The following C8orf34 variants were observed in gnomAD, a reference collection of about 807,000 sequenced individuals.
C8orf34 encodes the protein uncharacterized protein C8orf34.
In C8orf34, 65 loss-of-function variants were observed where a neutral mutation model predicts 68.3. That is an observed-to-expected ratio of 0.95 (90% confidence interval 0.78 to 1.17). C8orf34 has a LOEUF of 1.17. C8orf34 is among the 50% of genes most tolerant of loss of function. The pLI is 0.00. For missense variants in C8orf34, 664 were observed against 655.4 expected, an observed-to-expected ratio of 1.01 and a Z score of -0.14; for synonymous variants, 244 against 241.2, an observed-to-expected ratio of 1.01 and a Z score of -0.11.
intron 7 of C8orf34, among the ~76,000 whole-genome samples, chr8:68,616,739 T>G (rs2130604114): frequency 6.6e-6 from 1 of 152,216 alleles, no homozygotes; most frequent in Non-Finnish European, 1.5e-5. Context: ...ATAGGTGTGG[T>G]GTGGTGCTGA....
At chr8:68,403,982 A>G (rs2129621359) in intron 1 of C8orf34, among the ~76,000 whole-genome samples, 1 of 150,768 alleles carries the variant, frequency 6.6e-6, no homozygotes, top group East Asian at 2.0e-4. Flanking sequence ...ATGGTTTAAC[A>G]CTCCCACCAA....
intron 7 of C8orf34, among the ~76,000 whole-genome samples, chr8:68,619,236 G>A (rs1045508536): frequency 6.6e-6 from 1 of 152,184 alleles, no homozygotes; most frequent in African/African-American, 2.4e-5. Context: ...TGAGGTGGGA[G>A]GATCACTTGA....
chr8:68,392,137 T>A (rs1198723324), intron 1 of C8orf34, among the ~76,000 whole-genome samples: 1 of 152,132 alleles, frequency 6.6e-6, no homozygotes, highest in East Asian at 1.9e-4. Context: ...AATATTTTGT[T>A]TCCCTGAGGT....
chr8:68,643,624 G>T (rs1450166036), intron 8 of C8orf34, among the ~76,000 whole-genome samples: 1 of 152,100 alleles, frequency 6.6e-6, no homozygotes, highest in Non-Finnish European at 1.5e-5. Flanking sequence ...TCCCATGGTG[G>T]GAGGGTGAGC....
intron 4 of C8orf34, among the ~76,000 whole-genome samples, chr8:68,478,369 A>G (rs935143814): frequency 3.3e-5 from 5 of 152,226 alleles, no homozygotes; most frequent in Admixed American, 1.3e-4. Context: ...CATTGTCCAT[A>G]TCACTATCAT....
chr8:68,530,575 T>C (rs1317945361), intron 6 of C8orf34: 1 of 1,223,466 alleles, frequency 8.2e-7, no homozygotes, highest in East Asian at 5.7e-5. Context: ...ACTTTAACAT[T>C]GTTACATTGT....
intron 1 of C8orf34, among the ~76,000 whole-genome samples, chr8:68,345,066 G>GC (rs1806224685): frequency 1.3e-5 from 2 of 151,902 alleles, no homozygotes; most frequent in African/African-American, 4.8e-5. Flanking sequence ...GATACCAAAA[G>GC]CAAGTCCAGA....
chr8:68,812,983 G>C (rs1251308544), intron 12 of C8orf34, among the ~76,000 whole-genome samples: 1 of 152,148 alleles, frequency 6.6e-6, no homozygotes, highest in African/African-American at 2.4e-5. Flanking sequence ...CATCAGAGTT[G>C]CAATGAACAT....
At chr8:68,426,126 T>C (rs1810202487) in intron 1 of C8orf34, among the ~76,000 whole-genome samples, 1 of 152,152 alleles carries the variant, frequency 6.6e-6, no homozygotes, top group African/African-American at 2.4e-5. Flanking sequence ...TATCTTCATA[T>C]CTCTTGTATA....
chr8:68,790,967 A>G, intron 12 of C8orf34: 1 of 625,188 alleles, frequency 1.6e-6, no homozygotes, highest in South Asian at 1.9e-5. Context: ...TAGTATTGTT[A>G]AACTTTGGGT....
chr8:68,716,946 C>G (rs1428341266), intron 9 of C8orf34, among the ~76,000 whole-genome samples: 1 of 151,564 alleles, frequency 6.6e-6, no homozygotes, highest in Non-Finnish European at 1.5e-5. Flanking sequence ...ACAAATACAT[C>G]CCCTGTATGT....
chr8:68,476,482 A>G (rs191120735), intron 4 of C8orf34, among the ~76,000 whole-genome samples: 12 of 152,322 alleles, frequency 7.9e-5, no homozygotes, highest in South Asian at 4.1e-4. Flanking sequence ...AAGTTTTATC[A>G]TTGAAAAGGC....
At chr8:68,571,387 GTCT>G (rs1295500318) in intron 7 of C8orf34, among the ~76,000 whole-genome samples, 8 of 152,158 alleles carry the variant, frequency 5.3e-5, no homozygotes, top group Non-Finnish European at 5.9e-5. Flanking sequence ...TTCCATTTCA[GTCT>G]TCTTGCTCCA....
At chr8:68,756,954 A>T (rs189365052) in intron 10 of C8orf34, among the ~76,000 whole-genome samples, 34 of 152,238 alleles carry the variant, frequency 2.2e-4, no homozygotes, top group Non-Finnish European at 4.0e-4. Context: ...TTAATAAATG[A>T]TTTACACATA....
At chr8:68,458,055 C>T (rs1811627314) in intron 3 of C8orf34, among the ~76,000 whole-genome samples, 1 of 151,864 alleles carries the variant, frequency 6.6e-6, no homozygotes, top group South Asian at 2.1e-4. Flanking sequence ...GTGATTAGAT[C>T]CTGATTATAC....
At chr8:68,441,946 A>C (rs1240509675) in intron 2 of C8orf34, among the ~76,000 whole-genome samples, 1 of 152,228 alleles carries the variant, frequency 6.6e-6, no homozygotes, top group Non-Finnish European at 1.5e-5. Flanking sequence ...ACTTTAGTAG[A>C]TAATTACAGC....
chr8:68,722,299 G>A (rs6986698), intron 10 of C8orf34, among the ~76,000 whole-genome samples: 3,862 of 152,038 alleles, frequency 0.025, 165 homozygotes, highest in African/African-American at 0.086. Flanking sequence ...TATTGGATGA[G>A]GGACTCCCTA....
intron 9 of C8orf34, among the ~76,000 whole-genome samples, chr8:68,712,038 C>T (rs1260849486): frequency 6.6e-6 from 1 of 152,072 alleles, no homozygotes; most frequent in African/African-American, 2.4e-5. Context: ...TTTTTAGCCT[C>T]CTTAAACAAA....
chr8:68,458,402 G>A (rs2129628439), intron 3 of C8orf34, among the ~76,000 whole-genome samples: 1 of 152,184 alleles, frequency 6.6e-6, no homozygotes, highest in East Asian at 1.9e-4. Context: ...GGGATGATGG[G>A]AACCTAGGCT....
Sources: allele counts gnomAD v4.1 joint callset (sites outside exome capture counted in the v4.1 genomes callset), GRCh38; gene constraint gnomAD v4.1.1; transcripts MANE v1.5; gene names NCBI Gene and HGNC (gene_info 2026-07-23, HGNC 2026-07-21).